The following NRXN3 variants were observed in gnomAD, a reference collection of about 807,000 sequenced individuals.
NRXN3 encodes neurexin 3, also known as neurexin III.
NRXN3 carries 32 observed loss-of-function variants against 137.6 expected under a neutral mutation model. The observed-to-expected ratio is 0.23, with a 90% CI of 0.18 to 0.31. The LOEUF is 0.31. NRXN3 is among the 10% of genes least tolerant of loss of function. The pLI is 1.00. For missense variants in NRXN3, 1,574 were observed against 2,062.5 expected (o/e 0.76, Z 4.59); for synonymous variants, 798 against 784.5 (o/e 1.02, Z -0.29).
intron 16 of NRXN3, among the ~76,000 whole-genome samples, chr14:79,483,770 C>CAT (rs2096629667): frequency 1.4e-5 from 2 of 142,158 alleles, no homozygotes; most frequent in African/African-American, 6.1e-5. Context: ...GGAAATGATG[C>CAT]GTGTGTGTGT....
chr14:79,704,571 G>A (rs1485647563), intron 19 of NRXN3, among the ~76,000 whole-genome samples: 1 of 152,178 alleles, frequency 6.6e-6, no homozygotes, highest in East Asian at 1.9e-4. Context: ...TTAGGATCAG[G>A]GCTCAACTAA....
At chr14:78,176,140 C>A (rs1315059953) in intron 1 of NRXN3, among the ~76,000 whole-genome samples, 1 of 152,140 alleles carries the variant, frequency 6.6e-6, no homozygotes, top group East Asian at 1.9e-4. Flanking sequence ...TGGACTTTGC[C>A]TCTGGTTGTC....
intron 15 of NRXN3, among the ~76,000 whole-genome samples, chr14:79,136,178 C>T (rs2058204136): frequency 6.6e-6 from 1 of 152,162 alleles, no homozygotes. Context: ...AAGGTTGGTG[C>T]CTATGGTTAT....
intron 10 of NRXN3, among the ~76,000 whole-genome samples, chr14:78,892,381 T>C (rs561055801): frequency 1.3e-5 from 2 of 152,018 alleles, no homozygotes; most frequent in Admixed American, 1.3e-4. Flanking sequence ...GAAGTCAACT[T>C]AGCTCGTTTG....
chr14:79,261,493 T>C (rs1161208278), intron 15 of NRXN3, among the ~76,000 whole-genome samples: 1 of 151,920 alleles, frequency 6.6e-6, no homozygotes, highest in Non-Finnish European at 1.5e-5. Flanking sequence ...AGGAGGCAGT[T>C]AAGCTAGACC....
At chr14:78,674,215 C>T (rs1294774569) in intron 6 of NRXN3, among the ~76,000 whole-genome samples, 1 of 152,162 alleles carries the variant, frequency 6.6e-6, no homozygotes, top group African/African-American at 2.4e-5. Flanking sequence ...GAGGTTAAAA[C>T]AAGGCAGAAG....
chr14:78,826,821 A>G (rs1375083945), intron 10 of NRXN3, among the ~76,000 whole-genome samples: 4 of 152,160 alleles, frequency 2.6e-5, no homozygotes, highest in Non-Finnish European at 4.4e-5. Context: ...ATGGCTAAAG[A>G]TAAATTTGGT....
chr14:78,988,403 C>T (rs892501061), intron 15 of NRXN3: 7 of 434,074 alleles, frequency 1.6e-5, no homozygotes, highest in African/African-American at 4.0e-5. Context: ...GAAACAATAA[C>T]CACAGCAGCA....
intron 15 of NRXN3, among the ~76,000 whole-genome samples, chr14:79,243,633 G>A (rs1388041679): frequency 6.6e-6 from 1 of 152,064 alleles, no homozygotes; most frequent in Non-Finnish European, 1.5e-5. Flanking sequence ...AGACGATATA[G>A]CCTGTTGCTA....
intron 15 of NRXN3, among the ~76,000 whole-genome samples, chr14:79,372,450 G>T (rs2094139465): frequency 6.6e-6 from 1 of 152,072 alleles, no homozygotes; most frequent in Non-Finnish European, 1.5e-5. Context: ...CCCCAAGGAG[G>T]TGCATGCATC....
chr14:78,732,505 TC>T (rs1358492766), intron 8 of NRXN3, among the ~76,000 whole-genome samples: 1 of 152,202 alleles, frequency 6.6e-6, no homozygotes, highest in Non-Finnish European at 1.5e-5. Context: ...GAGACCTTTT[TC>T]CAAACACATA....
intron 15 of NRXN3, among the ~76,000 whole-genome samples, chr14:79,127,683 T>C (rs2056759279): frequency 6.6e-6 from 1 of 152,140 alleles, no homozygotes; most frequent in Non-Finnish European, 1.5e-5. Context: ...CCATATGAAC[T>C]TTAAAGTAGT....
intron 16 of NRXN3, among the ~76,000 whole-genome samples, chr14:79,624,447 A>G (rs1269617119): frequency 2.0e-5 from 3 of 152,128 alleles, no homozygotes; most frequent in Non-Finnish European, 4.4e-5. Flanking sequence ...ATGTATATAT[A>G]TATATATGTA....
At chr14:79,562,343 G>A (rs1485904842) in intron 16 of NRXN3, among the ~76,000 whole-genome samples, 1 of 152,094 alleles carries the variant, frequency 6.6e-6, no homozygotes, top group African/African-American at 2.4e-5. Flanking sequence ...CATGAATAGT[G>A]TCTTCCCTTG....
intron 15 of NRXN3, among the ~76,000 whole-genome samples, chr14:79,062,100 G>C (rs1489392861): frequency 6.6e-6 from 1 of 152,076 alleles, no homozygotes. Flanking sequence ...CTGGCTATTT[G>C]GTATCTTCAA....
chr14:79,666,587 A>G (rs1356206477), intron 17 of NRXN3, among the ~76,000 whole-genome samples: 4 of 152,078 alleles, frequency 2.6e-5, no homozygotes, highest in Non-Finnish European at 5.9e-5. Flanking sequence ...GACCTAGGAC[A>G]AGATTTTTCT....
At chr14:78,594,721 G>A (rs2097145292) in intron 4 of NRXN3, among the ~76,000 whole-genome samples, 1 of 152,170 alleles carries the variant, frequency 6.6e-6, no homozygotes. Context: ...AATTCAAGAG[G>A]CCACTGTGGG....
intron 4 of NRXN3, among the ~76,000 whole-genome samples, chr14:78,411,701 C>T (rs982433928): frequency 2.6e-5 from 4 of 152,306 alleles, no homozygotes; most frequent in Non-Finnish European, 4.4e-5. Context: ...ATTGCTCATA[C>T]GTATACATGT....
chr14:78,570,356 G>A (rs1305309855), intron 4 of NRXN3, among the ~76,000 whole-genome samples: 1 of 152,186 alleles, frequency 6.6e-6, no homozygotes, highest in Admixed American at 6.5e-5. Flanking sequence ...CTTCCAGAAT[G>A]CAGTACTGTG....
Sources: gnomAD v4.1 joint callset for allele counts (sites outside exome capture counted in the v4.1 genomes callset) on GRCh38, gnomAD v4.1.1 for gene constraint, MANE v1.5 for transcripts, NCBI Gene and HGNC (gene_info 2026-07-23, HGNC 2026-07-21) for gene names.